Variants in ATP9A observed in about 807,000 individuals in gnomAD.
ATP9A encodes probable phospholipid-transporting ATPase IIA.
ATP9A carries 52 observed loss-of-function variants against 144.1 expected under a neutral mutation model. That is an observed-to-expected ratio of 0.36 (90% CI 0.29 to 0.45). The LOEUF (loss-of-function observed/expected upper bound fraction) is 0.45, where lower values mean the gene tolerates loss of function less well. ATP9A is among the 20% of genes least tolerant of loss of function. ATP9A has a pLI of 1.00. For synonymous variants in ATP9A, 582 were observed against 557.4 expected, an observed-to-expected ratio of 1.04 and a Z score of -0.62; for missense variants, 947 against 1,392.7, an observed-to-expected ratio of 0.68 and a Z score of 5.09.
chr20:51,616,979 T>C (rs189396989), intron 22 of ATP9A, among the ~76,000 whole-genome samples: 3 of 151,482 alleles, frequency 2.0e-5, no homozygotes, highest in African/African-American at 4.9e-5. Flanking sequence ...TCTTGTTCTG[T>C]TGCCCAGGCT....
At chr20:51,721,797 T>A (rs2077690345) in intron 3 of ATP9A, among the ~76,000 whole-genome samples, 2 of 106,760 alleles carry the variant, frequency 1.9e-5, no homozygotes, top group Non-Finnish European at 3.8e-5. Context: ...CAAGACTCCA[T>A]CTCAAAAAAA....
At position 51,642,726 on chromosome 20, in the gene ATP9A, C is replaced by CAAAAAAA. The variant is rs778440862; in HGVS notation, c.1507-3229_1507-3223dup. ...GGGTGACTGAGTGAGACTCTGTCTC[C>CAAAAAAA]AAAAAAAAAAAAAAAAAAAAAAAAA... On this transcript the variant is annotated intron_variant, in intron 14 of 27. Transcript: ENST00000338821. Among the ~76,000 whole-genome samples, 41 of 31,130 alleles carry CAAAAAAA rather than the reference C, an allele frequency of 1.3e-3. 1 individual carries two copies. Among genetic ancestry groups the CAAAAAAA allele is most frequent in the African/African-American group, 2.4e-3 (27 of 11,176 alleles). The allele number at this position is 31,130 out of a possible 152,430, so 20.4% of individuals were successfully genotyped here. A position where few individuals can be genotyped will look rare whatever the true frequency, so the allele number is the denominator to read the frequency against.
chr20:51,608,043 C>A (rs1266085291), intron 25 of ATP9A, among the ~76,000 whole-genome samples: 455 of 115,996 alleles, frequency 3.9e-3, no homozygotes, highest in African/African-American at 4.6e-3. Flanking sequence ...GAATTAGTCT[C>A]AAAAAAAAAA....
chr20:51,708,224 G>A (rs1329453146), intron 4 of ATP9A, among the ~76,000 whole-genome samples: 3 of 151,708 alleles, frequency 2.0e-5, no homozygotes, highest in African/African-American at 7.3e-5. Context: ...GGGTGAGGCG[G>A]GTGCCATCAC....
intron 19 of ATP9A, among the ~76,000 whole-genome samples, chr20:51,620,350 A>T (rs920921448): frequency 2.0e-5 from 3 of 152,248 alleles, no homozygotes; most frequent in Admixed American, 1.3e-4. Flanking sequence ...CTCATTATTC[A>T]TAGTAGCTAT....
Position 51,693,302 on chromosome 20 carries a change from C to T in ATP9A, c.642+706G>A, listed in dbSNP as rs141002440. ...GCGGAGATGCCCTGCCAGGCAGACT[C>T]GCCAGGGATCAGAGGGCTCCCAGTG... is the stretch of plus-strand genomic sequence containing the variant. On this transcript the variant is annotated intron_variant, in intron 7 of 27. Transcript: ENST00000338821. 9.9e-3 allele frequency among the ~76,000 whole-genome samples: 1,505 copies of T among 152,266 alleles called. 6 individuals carry two copies. The highest frequency in any genetic ancestry group is 0.016 in the Non-Finnish European group (1,078 of 68,014).
chr20:51,633,516 C>A, intron 15 of ATP9A, among the ~76,000 whole-genome samples: 1 of 152,180 alleles, frequency 6.6e-6, no homozygotes, highest in South Asian at 2.1e-4. Context: ...GAGGTTGAAG[C>A]GGGAGGACAG....
chr20:51,720,464 G>A (rs1046145823), intron 3 of ATP9A, among the ~76,000 whole-genome samples: 3 of 152,170 alleles, frequency 2.0e-5, no homozygotes, highest in African/African-American at 4.8e-5. Context: ...CAGAGTAGCC[G>A]ACAGGAGCTT....
chr20:51,644,865 GTC>G (rs2077335848), intron 14 of ATP9A, among the ~76,000 whole-genome samples: 1 of 152,032 alleles, frequency 6.6e-6, no homozygotes, highest in African/African-American at 2.4e-5. Context: ...TATGTGAAAA[GTC>G]TGTGATACTG....
At chr20:51,675,347 T>A (rs1008547690) in intron 10 of ATP9A, among the ~76,000 whole-genome samples, 1 of 152,162 alleles carries the variant, frequency 6.6e-6, no homozygotes, top group African/African-American at 2.4e-5. Context: ...TATTCTGTAA[T>A]GTTCTGACTC....
rs1343040596 is a variant in ATP9A, at chr20:51,599,381, A to G, written c.*1830T>C. 6.6e-6 allele frequency: 1 copy of G among 151,902 alleles called. No individual in the cohort carries two copies. Among genetic ancestry groups the G allele is most frequent in the African/African-American group, 2.4e-5 (1 of 41,338 alleles). The allele number at this position is 151,902 out of a possible 1,614,324, so 9.4% of individuals were successfully genotyped here. ...ATTTCTCCTCCACCTTTGAAAACAC[A>G]GAAACTCACTCAATGAATACGTCAG... On this transcript the variant is annotated 3_prime_UTR_variant, in exon 28 of 28. Coordinates refer to ENST00000338821, the MANE Select transcript of ATP9A (RefSeq NM_006045.3).
At chr20:51,724,238 C>CG (rs1169089251) in intron 3 of ATP9A, among the ~76,000 whole-genome samples, 2 of 152,256 alleles carry the variant, frequency 1.3e-5, no homozygotes, top group Admixed American at 6.5e-5. Flanking sequence ...GCGTTCCCCC[C>CG]CTGGGTCCCA....
At chr20:51,743,481 C>T (rs1391548096) in intron 1 of ATP9A, among the ~76,000 whole-genome samples, 3 of 143,132 alleles carry the variant, frequency 2.1e-5, no homozygotes, top group African/African-American at 7.7e-5. Context: ...CTCACTGCAA[C>T]CTCTGCCTCC....
At chr20:51,698,875 T>A (rs1487579882) in intron 4 of ATP9A, among the ~76,000 whole-genome samples, 3 of 152,178 alleles carry the variant, frequency 2.0e-5, no homozygotes, top group African/African-American at 7.2e-5. Flanking sequence ...AAGGGGCCAG[T>A]TGGGGCCAGG....
At chr20:51,704,273 G>A (rs933490843) in intron 4 of ATP9A, among the ~76,000 whole-genome samples, 2 of 151,660 alleles carry the variant, frequency 1.3e-5, no homozygotes, top group African/African-American at 4.8e-5. Context: ...GGTCTTGCCG[G>A]TTTATGGTGC....
chr20:51,756,681 T>G (rs1468799282), intron 1 of ATP9A, among the ~76,000 whole-genome samples: 1 of 152,128 alleles, frequency 6.6e-6, no homozygotes, highest in East Asian at 1.9e-4. Context: ...TGATCACCTC[T>G]TTAAAGGCCC....
chr20:51,675,514 G>A (rs1402726969), intron 10 of ATP9A, among the ~76,000 whole-genome samples: 1 of 152,204 alleles, frequency 6.6e-6, no homozygotes, highest in Non-Finnish European at 1.5e-5. Context: ...CTGTTATGAA[G>A]ATGAAATGAG....
intron 5 of ATP9A, 141 bp downstream of exon 5, chr20:51,697,283 C>T (rs1601111433): frequency 1.2e-5 from 8 of 675,184 alleles, no homozygotes; most frequent in Middle Eastern, 2.6e-4. Flanking sequence ...GTCTGTCTCA[C>T]AGGAAAGAGA....
chr20:51,695,913 T>C (rs1307386520), intron 6 of ATP9A, among the ~76,000 whole-genome samples, 180 bp downstream of exon 6: 1 of 150,790 alleles, frequency 6.6e-6, no homozygotes, highest in Non-Finnish European at 1.5e-5. Flanking sequence ...TCACAATCTA[T>C]TGACTTTTAA....
Sources: allele counts gnomAD v4.1 joint callset (sites outside exome capture counted in the v4.1 genomes callset), GRCh38; gene constraint gnomAD v4.1.1; transcripts MANE v1.5; gene names NCBI Gene and HGNC (gene_info 2026-07-23, HGNC 2026-07-21).